MGAT4C: variants seen among roughly 807,000 people sequenced by gnomAD.
The protein encoded by MGAT4C is MGAT4 family member C.
Under a neutral mutation model 40.1 loss-of-function variants are expected in MGAT4C, and 19 were observed. That is an observed-to-expected ratio of 0.47 (90% CI 0.33 to 0.70). The LOEUF is 0.70. MGAT4C is among the 30% of genes least tolerant of loss of function. The pLI is 0.02. For synonymous variants in MGAT4C, 181 were observed against 187.1 expected (o/e 0.97, Z 0.27); for missense variants, 491 against 563.2 (o/e 0.87, Z 1.30).
intron 2 of MGAT4C, among the ~76,000 whole-genome samples, chr12:86,701,332 C>A (rs758864166): frequency 1.3e-5 from 2 of 151,932 alleles, no homozygotes; most frequent in African/African-American, 2.4e-5. Context: ...ATGTCTCTGT[C>A]ACATTTTGGT....
chr12:86,358,738 G>A (rs556984522), intron 3 of MGAT4C, among the ~76,000 whole-genome samples: 6 of 152,188 alleles, frequency 3.9e-5, no homozygotes, highest in African/African-American at 1.2e-4. Flanking sequence ...GAAGGCCATT[G>A]CATAATGGTA....
intron 2 of MGAT4C, among the ~76,000 whole-genome samples, chr12:86,444,578 ACT>A (rs1341840879): frequency 2.0e-5 from 3 of 152,008 alleles, no homozygotes; most frequent in African/African-American, 7.3e-5. Flanking sequence ...AGAACAATTG[ACT>A]CTACCATATC....
intron 3 of MGAT4C, among the ~76,000 whole-genome samples, chr12:86,399,063 C>CACTTA (rs1956308976): frequency 6.6e-6 from 1 of 152,158 alleles, no homozygotes; most frequent in Non-Finnish European, 1.5e-5. Flanking sequence ...CTCCACTTCC[C>CACTTA]GGATTCAAGC....
At chr12:86,085,486 C>T (rs944333917) in intron 1 of MGAT4C, among the ~76,000 whole-genome samples, 5 of 152,070 alleles carry the variant, frequency 3.3e-5, no homozygotes, top group African/African-American at 1.2e-4. Flanking sequence ...TTGTTTTTGT[C>T]AGGTTTGTCA....
intron 3 of MGAT4C, among the ~76,000 whole-genome samples, chr12:86,351,772 A>C (rs1955166806): frequency 6.6e-6 from 1 of 152,030 alleles, no homozygotes; most frequent in Admixed American, 6.6e-5. Flanking sequence ...TCAGTCCTTA[A>C]AATTAAGATC....
chr12:86,393,915 AT>A (rs1956201427), intron 3 of MGAT4C, among the ~76,000 whole-genome samples: 2 of 152,172 alleles, frequency 1.3e-5, no homozygotes, highest in African/African-American at 4.8e-5. Context: ...CCTTGTCAGG[AT>A]TTAGTGGAGG....
intron 3 of MGAT4C, among the ~76,000 whole-genome samples, chr12:86,416,749 C>T (rs1592818066): frequency 6.6e-6 from 1 of 152,020 alleles, no homozygotes; most frequent in Non-Finnish European, 1.5e-5. Flanking sequence ...ATACAACATG[C>T]TCAATATTAT....
At chr12:86,087,687 G>A (rs1442271506) in intron 1 of MGAT4C, among the ~76,000 whole-genome samples, 2 of 151,874 alleles carry the variant, frequency 1.3e-5, no homozygotes, top group South Asian at 4.1e-4. Flanking sequence ...AGCTAAACAG[G>A]GAGATGAAAG....
At chr12:86,594,409 T>G (rs1961450951) in intron 2 of MGAT4C, among the ~76,000 whole-genome samples, 2 of 152,200 alleles carry the variant, frequency 1.3e-5, no homozygotes, top group Admixed American at 6.5e-5. Flanking sequence ...GAAATGGTGG[T>G]TATTTTATAA....
At chr12:86,469,621 T>C (rs2136302614) in intron 2 of MGAT4C, among the ~76,000 whole-genome samples, 1 of 152,272 alleles carries the variant, frequency 6.6e-6, no homozygotes, top group Non-Finnish European at 1.5e-5. Flanking sequence ...GCGGTTTTTT[T>C]TTCCCCTGAA....
intron 2 of MGAT4C, among the ~76,000 whole-genome samples, chr12:86,630,847 A>G (rs900417814): frequency 1.5e-4 from 23 of 152,218 alleles, no homozygotes; most frequent in Non-Finnish European, 2.6e-4. Flanking sequence ...CTGGCACAAG[A>G]CAGGGATGCC....
intron 2 of MGAT4C, among the ~76,000 whole-genome samples, chr12:86,573,418 G>T (rs1267022345): frequency 6.6e-6 from 1 of 151,938 alleles, no homozygotes; most frequent in Non-Finnish European, 1.5e-5. Context: ...TTATAAAAGA[G>T]AAAGAAATTG....
intron 1 of MGAT4C, among the ~76,000 whole-genome samples, chr12:86,795,767 T>C (rs1334252046): frequency 6.6e-6 from 1 of 152,028 alleles, no homozygotes; most frequent in Non-Finnish European, 1.5e-5. Flanking sequence ...AGGAATTATT[T>C]GTCTAGAAAA....
At chr12:86,736,779 T>C (rs1461912263) in intron 1 of MGAT4C, among the ~76,000 whole-genome samples, 1 of 151,838 alleles carries the variant, frequency 6.6e-6, no homozygotes, top group African/African-American at 2.4e-5. Flanking sequence ...AAAGACAAAT[T>C]ACAAAAACTG....
At chr12:86,702,078 A>G (rs1950372670) in intron 2 of MGAT4C, among the ~76,000 whole-genome samples, 1 of 152,142 alleles carries the variant, frequency 6.6e-6, no homozygotes, top group South Asian at 2.1e-4. Context: ...GGAAGAGTAC[A>G]GTGGCATGAC....
rs1884858236 is a variant in MGAT4C at position 85,983,524 on chromosome 12, C to T, written c.294G>A (p.Lys98=). 1.9e-6 allele frequency: 3 copies of T among 1,548,266 alleles called. No individual in the cohort carries two copies. The African/African-American group carries it at 4.2e-5, about 22-fold the overall frequency. Residue 98 remains lysine (K), a splice_region_variant and synonymous_variant, in exon 4 of 5, where the codon AAG becomes AAA. Transcript: ENST00000611864. ...RYLAATPLQR[K]RYLTIGLSSV... ...ATTTAAATGTTTAAGGATACTTACG[C>T]TTTCTTTGTAAAGGTGTGGCAGCTA...
chr12:85,989,628 A>C, intron 2 of MGAT4C, 76 bp from the exon 3 acceptor site: 30 of 1,319,598 alleles, frequency 2.3e-5, no homozygotes, highest in Non-Finnish European at 3.0e-5. Flanking sequence ...TATAAAAGTC[A>C]GGTCCTTGTA....
At chr12:86,337,414 T>C (rs900366643) in intron 3 of MGAT4C, among the ~76,000 whole-genome samples, 4 of 151,880 alleles carry the variant, frequency 2.6e-5, no homozygotes, top group Non-Finnish European at 4.4e-5. Flanking sequence ...CTGGGCAACA[T>C]GGCGAAACCC....
At chr12:86,073,289 T>G (rs2137043181) in intron 1 of MGAT4C, among the ~76,000 whole-genome samples, 1 of 152,238 alleles carries the variant, frequency 6.6e-6, no homozygotes, top group South Asian at 2.1e-4. Context: ...GTGAGTCCAT[T>G]AAATATATTT....
Sources: allele counts gnomAD v4.1 joint callset (sites outside exome capture counted in the v4.1 genomes callset), GRCh38; gene constraint gnomAD v4.1.1; transcripts MANE v1.5; gene names NCBI Gene and HGNC (gene_info 2026-07-23, HGNC 2026-07-21).